Variants in RBFOX1 observed in about 807,000 individuals in gnomAD.
RBFOX1 encodes the protein RNA binding fox-1 homolog 1.
In RBFOX1, 8 loss-of-function variants were observed where a neutral mutation model predicts 57.7. The observed-to-expected ratio is 0.14, with a 90% CI of 0.08 to 0.25. The LOEUF is 0.25. Among genes scored for constraint, RBFOX1 ranks in the 10% least tolerant of loss-of-function variants. The pLI, the probability that RBFOX1 is intolerant of heterozygous loss-of-function variation, is 1.00. For missense variants in RBFOX1, 611 were observed against 548.5 expected (o/e 1.11, Z -1.14); for synonymous variants, 326 against 222.4 (o/e 1.47, Z -4.15).
At chr16:6,654,092 G>T (rs1326378310) in intron 2 of RBFOX1, among the ~76,000 whole-genome samples, 2 of 133,008 alleles carry the variant, frequency 1.5e-5, no homozygotes. Flanking sequence ...TTAGATCAAT[G>T]GGCATGGCTG....
chr16:6,269,436 A>T (rs1462394612), intron 1 of RBFOX1, among the ~76,000 whole-genome samples: 2 of 152,234 alleles, frequency 1.3e-5, no homozygotes, highest in Admixed American at 6.5e-5. Flanking sequence ...ACCAAGTCAC[A>T]TGATAGTCAA....
At chr16:5,315,165 C>A (rs1375161643) in intron 1 of RBFOX1, among the ~76,000 whole-genome samples, 1 of 152,154 alleles carries the variant, frequency 6.6e-6, no homozygotes, top group Non-Finnish European at 1.5e-5. Flanking sequence ...TTGGTGGAGT[C>A]TGTGGGCTGA....
chr16:7,306,904 A>G (rs1340637684), intron 4 of RBFOX1, among the ~76,000 whole-genome samples: 4 of 152,156 alleles, frequency 2.6e-5, no homozygotes, highest in Admixed American at 6.5e-5. Context: ...CACCACTACT[A>G]TATTTTTTAT....
At chr16:5,398,845 A>C (rs117144104) in intron 1 of RBFOX1, among the ~76,000 whole-genome samples, 1 of 152,178 alleles carries the variant, frequency 6.6e-6, no homozygotes, top group Non-Finnish European at 1.5e-5. Context: ...GTCTAGTTTA[A>C]GTTAAACGTT....
chr16:6,166,369 C>T (rs1464719045), intron 1 of RBFOX1, among the ~76,000 whole-genome samples: 2 of 145,662 alleles, frequency 1.4e-5, no homozygotes, highest in East Asian at 2.3e-4. Context: ...GTTCCATGGG[C>T]TCATCTAGCT....
intron 1 of RBFOX1, among the ~76,000 whole-genome samples, chr16:6,196,621 C>A (rs1031591645): frequency 2.6e-5 from 4 of 152,138 alleles, no homozygotes; most frequent in Non-Finnish European, 5.9e-5. Flanking sequence ...AGAGAAATAA[C>A]ATGCAATTCC....
intron 4 of RBFOX1, among the ~76,000 whole-genome samples, chr16:7,424,783 C>T (rs2098593907): frequency 6.6e-6 from 1 of 152,146 alleles, no homozygotes; most frequent in African/African-American, 2.4e-5. Flanking sequence ...CAAACAGTGC[C>T]AGCTGAAACA....
intron 4 of RBFOX1, among the ~76,000 whole-genome samples, chr16:7,337,085 T>C (rs1357251885): frequency 1.3e-5 from 2 of 152,320 alleles, no homozygotes; most frequent in South Asian, 4.1e-4. Context: ...GGTAAGAAAT[T>C]GCAGTCATGC....
intron 3 of RBFOX1, among the ~76,000 whole-genome samples, chr16:5,635,362 T>G (rs2048650393): frequency 1.3e-5 from 2 of 152,284 alleles, no homozygotes; most frequent in South Asian, 4.1e-4. Context: ...TCTCTGAATG[T>G]GGTTCTCTAG....
At chr16:6,805,659 G>A (rs1433072642) in intron 3 of RBFOX1, among the ~76,000 whole-genome samples, 1 of 152,138 alleles carries the variant, frequency 6.6e-6, no homozygotes, top group Non-Finnish European at 1.5e-5. Context: ...AGGGAAGTCT[G>A]TTAATGAATG....
intron 3 of RBFOX1, among the ~76,000 whole-genome samples, chr16:5,752,607 C>T (rs1171795448): frequency 3.3e-5 from 5 of 152,078 alleles, no homozygotes; most frequent in Non-Finnish European, 5.9e-5. Flanking sequence ...GAGAATGGCA[C>T]CCCAAATTGA....
chr16:7,275,182 A>G (rs1468166442), intron 4 of RBFOX1, among the ~76,000 whole-genome samples: 1 of 151,968 alleles, frequency 6.6e-6, no homozygotes, highest in Non-Finnish European at 1.5e-5. Context: ...GGGAGAGAGG[A>G]AGGGAGAAAA....
At chr16:5,746,543 T>G (rs2052989355) in intron 3 of RBFOX1, among the ~76,000 whole-genome samples, 1 of 152,244 alleles carries the variant, frequency 6.6e-6, no homozygotes, top group Non-Finnish European at 1.5e-5. Context: ...ATGGCCATCT[T>G]CACGATATTG....
At position 5,415,685 on chromosome 16, in the gene RBFOX1, A is replaced by G. The variant is rs1475887701; in HGVS notation, c.220-51531A>G. Among the ~76,000 whole-genome samples, 4 of 152,230 alleles carry G rather than the reference A, an allele frequency of 2.6e-5. No individual in the cohort carries two copies. The East Asian group carries it at 7.7e-4, about 29-fold the overall frequency. ...GAAATGATACTGGTTTTCTATTCAC[A>G]GTAGTGATAAAAACTTCCTCTAAAA... On this transcript the variant is annotated intron_variant, in intron 1 of 2. Coordinates refer to the RBFOX1 transcript ENST00000585867.
chr16:7,115,696 T>G (rs1303121135), intron 4 of RBFOX1, among the ~76,000 whole-genome samples: 1 of 152,178 alleles, frequency 6.6e-6, no homozygotes, highest in Non-Finnish European at 1.5e-5. Context: ...AGACAGAGAA[T>G]CCAGTCGCTT....
At chr16:5,690,423 A>G (rs534342806) in intron 3 of RBFOX1, among the ~76,000 whole-genome samples, 24 of 152,266 alleles carry the variant, frequency 1.6e-4, no homozygotes, top group Admixed American at 1.0e-3. Flanking sequence ...TTACAGCTCT[A>G]CAAACAGGAT....
chr16:7,116,240 A>G (rs750792805), intron 4 of RBFOX1, among the ~76,000 whole-genome samples: 18 of 152,142 alleles, frequency 1.2e-4, no homozygotes, highest in African/African-American at 1.7e-4. Flanking sequence ...ATAGAGAGAA[A>G]GCCCATGCAG....
intron 2 of RBFOX1, among the ~76,000 whole-genome samples, chr16:6,473,634 G>T (rs568541395): frequency 2.9e-4 from 44 of 152,134 alleles, no homozygotes; most frequent in South Asian, 1.2e-3. Context: ...ATAAACAGAG[G>T]CTATTTATTC....
At chr16:6,691,691 C>T (rs567474968) in intron 3 of RBFOX1, among the ~76,000 whole-genome samples, 11 of 152,240 alleles carry the variant, frequency 7.2e-5, no homozygotes, top group Non-Finnish European at 5.9e-5. Flanking sequence ...CCAAACTGTC[C>T]ACGTCCTAAT....
Sources: gnomAD v4.1 joint callset for allele counts (sites outside exome capture counted in the v4.1 genomes callset) on GRCh38, gnomAD v4.1.1 for gene constraint, MANE v1.5 for transcripts, NCBI Gene and HGNC (gene_info 2026-07-23, HGNC 2026-07-21) for gene names.